The following STXBP4 variants were observed in gnomAD, a reference collection of about 807,000 sequenced individuals.
STXBP4 encodes the protein syntaxin binding protein 4.
STXBP4 carries 55 observed loss-of-function variants against 76.1 expected under a neutral mutation model. The observed-to-expected ratio is 0.72, with a 90% CI of 0.58 to 0.91. The LOEUF is 0.91. Ranked by LOEUF, STXBP4 falls within the 40% of genes least tolerant of loss-of-function variation. STXBP4 has a pLI of 0.00. For missense variants in STXBP4, 618 were observed against 636.9 expected (o/e 0.97, Z 0.32); for synonymous variants, 201 against 220.2 (o/e 0.91, Z 0.77).
chr17:54,976,635 G>A (rs995346099), intron 1 of STXBP4, among the ~76,000 whole-genome samples: 1 of 152,246 alleles, frequency 6.6e-6, no homozygotes. Context: ...GGTGAGTGGA[G>A]GGCAAGTGGG....
rs146094659 is a variant in STXBP4, at chr17:55,095,656, A to G, written c.1489+14473A>G. Among the ~76,000 whole-genome samples, 507 of 152,324 alleles carry G rather than the reference A, an allele frequency of 3.3e-3. 2 individuals are homozygous for G. The highest frequency in any genetic ancestry group is 0.011 in the African/African-American group (472 of 41,576). ...ATATTTTTAAAAATAACATTGACATAGAAGGTTTTAAATTTTTATCAGTTT... is the reference window on the plus strand; with the variant it reads ...ATATTTTTAAAAATAACATTGACATGGAAGGTTTTAAATTTTTATCAGTTT... On this transcript the variant is annotated intron_variant, in intron 16 of 17. Transcript: ENST00000376352.
intron 17 of STXBP4, among the ~76,000 whole-genome samples, chr17:55,154,209 T>C (rs2145183103): frequency 6.6e-6 from 1 of 152,082 alleles, no homozygotes; most frequent in Middle Eastern, 3.4e-3. Context: ...TGAGTGAGAG[T>C]AGAGAAGGCA....
downstream of STXBP4, among the ~76,000 whole-genome samples, chr17:55,177,937 A>G (rs967981245): frequency 1.1e-4 from 17 of 152,200 alleles, no homozygotes; most frequent in African/African-American, 3.9e-4. Context: ...GGCAACCTGG[A>G]GTTGTCTAAT....
rs960794922 is a variant in STXBP4 at position 55,020,515 on chromosome 17, A to AT, written c.667-10645dup. 3.3e-5 allele frequency among the ~76,000 whole-genome samples: 5 copies of AT among 152,018 alleles called. No individual in the cohort carries two copies. In the East Asian group the frequency reaches 5.8e-4, roughly 18 times the overall value. ...TGTCATATTCCCTCATATGTTGTAA[A>AT]TTTTTTTTAATTATACTTTCGGCCG... On this transcript the variant is annotated intron_variant, in intron 8 of 17. Coordinates refer to ENST00000376352, the MANE Select transcript of STXBP4 (RefSeq NM_178509.6).
intron 1 of STXBP4, among the ~76,000 whole-genome samples, chr17:54,976,493 G>C (rs1392056443): frequency 1.3e-5 from 2 of 152,170 alleles, no homozygotes; most frequent in African/African-American, 4.8e-5. Flanking sequence ...AAACTTACCA[G>C]ATCATTGCAT....
chr17:55,132,774 G>A (rs889877491), intron 16 of STXBP4, among the ~76,000 whole-genome samples: 4 of 152,152 alleles, frequency 2.6e-5, no homozygotes, highest in African/African-American at 9.7e-5. Flanking sequence ...GAAGAAGGGA[G>A]CTGGCTCTTT....
chr17:55,040,856 TG>T (rs2144730760), intron 10 of STXBP4, among the ~76,000 whole-genome samples: 1 of 152,310 alleles, frequency 6.6e-6, no homozygotes, highest in East Asian at 1.9e-4. Flanking sequence ...CGCATCTGTC[TG>T]GAATTGTTGC....
At chr17:55,004,921 C>T (rs970162023) in intron 7 of STXBP4, among the ~76,000 whole-genome samples, 1 of 152,254 alleles carries the variant, frequency 6.6e-6, no homozygotes. Context: ...ATGTCATTGG[C>T]AGATGAGGAA....
intron 16 of STXBP4, among the ~76,000 whole-genome samples, chr17:55,140,261 T>A (rs2080079965): frequency 6.6e-6 from 1 of 152,148 alleles, no homozygotes; most frequent in Non-Finnish European, 1.5e-5. Flanking sequence ...TAAGCTATAA[T>A]TGTGCTACTG....
At chr17:55,044,287 A>C (rs951912465) in intron 11 of STXBP4, 5 of 151,986 alleles carry the variant, frequency 3.3e-5, no homozygotes, top group African/African-American at 1.2e-4. Context: ...TTTACCACTA[A>C]TTCGTCATAG....
chr17:55,112,697 A>G (rs962392133), intron 16 of STXBP4, among the ~76,000 whole-genome samples: 1 of 152,118 alleles, frequency 6.6e-6, no homozygotes, highest in African/African-American at 2.4e-5. Context: ...GATGTTGTTT[A>G]GGGGATTCTT....
intron 3 of STXBP4, 56 bp downstream of exon 3, chr17:54,986,322 A>G: frequency 1.5e-6 from 2 of 1,366,592 alleles, no homozygotes; most frequent in South Asian, 1.3e-5. Context: ...TAAACTATTA[A>G]TGAACATTTG....
chr17:55,023,429 C>T (rs1404984799), intron 8 of STXBP4, among the ~76,000 whole-genome samples: 2 of 152,062 alleles, frequency 1.3e-5, no homozygotes, highest in Non-Finnish European at 2.9e-5. Flanking sequence ...AGAAACATAG[C>T]CTGAAAGTAA....
At chr17:55,022,838 G>A (rs544013511) in intron 8 of STXBP4, among the ~76,000 whole-genome samples, 4 of 152,314 alleles carry the variant, frequency 2.6e-5, no homozygotes, top group East Asian at 1.9e-4. Flanking sequence ...TACTAACGAC[G>A]TAAGTCAGGG....
At chr17:55,056,213 T>G (rs966556008) in intron 12 of STXBP4, among the ~76,000 whole-genome samples, 1 of 152,170 alleles carries the variant, frequency 6.6e-6, no homozygotes, top group Non-Finnish European at 1.5e-5. Context: ...TTTAGTTGGA[T>G]TTATCTAAAA....
chr17:54,988,563 C>T (rs553320353), intron 3 of STXBP4, among the ~76,000 whole-genome samples: 7 of 152,098 alleles, frequency 4.6e-5, no homozygotes, highest in Non-Finnish European at 8.8e-5. Flanking sequence ...CACTTGAGGT[C>T]AGGAGTTCGA....
At chr17:55,037,635 C>T (rs1408183112) in intron 10 of STXBP4, among the ~76,000 whole-genome samples, 2 of 151,924 alleles carry the variant, frequency 1.3e-5, no homozygotes, top group Non-Finnish European at 2.9e-5. Context: ...ATCAAAATGT[C>T]GTGCAATAGA....
At chr17:55,203,569 C>G in the STXBP4 span, among the ~76,000 whole-genome samples, 3 of 152,074 alleles carry the variant, frequency 2.0e-5, no homozygotes, top group African/African-American at 4.8e-5. Flanking sequence ...TCCAAAAGTC[C>G]TGAAATTCTA....
Position 55,170,512 on chromosome 17 carries a change from C to T in STXBP4, c.*10601C>T, listed in dbSNP as rs1244092072. On this transcript the variant is annotated 3_prime_UTR_variant, in exon 18 of 18. Transcript: ENST00000376352. ...TTTCTGCATACTACTCTACAGTGAG[C>T]CTGTCCTTTATAAGAAAAAATGCTA... 6.6e-6 allele frequency: 1 copy of T among 152,028 alleles called. No homozygotes were observed. The highest frequency in any genetic ancestry group is 1.9e-4 in the East Asian group (1 of 5,194). The allele number at this position is 152,028 out of a possible 1,614,324, so 9.4% of individuals were successfully genotyped here.
Sources: gnomAD v4.1 joint callset for allele counts (sites outside exome capture counted in the v4.1 genomes callset) on GRCh38, gnomAD v4.1.1 for gene constraint, MANE v1.5 for transcripts, NCBI Gene and HGNC (gene_info 2026-07-23, HGNC 2026-07-21) for gene names.